The following SLC2A9 variants were observed in gnomAD, a reference collection of about 807,000 sequenced individuals.
The protein encoded by SLC2A9 is solute carrier family 2, facilitated glucose transporter member 9.
SLC2A9 carries 39 observed loss-of-function variants against 50.6 expected under a neutral mutation model. That is an observed-to-expected ratio of 0.77 (90% confidence interval 0.60 to 1.01). The LOEUF is 1.01. Ranked by LOEUF, SLC2A9 falls within the 50% of genes least tolerant of loss-of-function variation. SLC2A9 has a pLI of 0.00. For missense variants in SLC2A9, 686 were observed against 677.6 expected (o/e 1.01, Z -0.14); for synonymous variants, 324 against 276.9 (o/e 1.17, Z -1.69).
At chr4:10,023,179 C>G (rs549884565), upstream of SLC2A9, among the ~76,000 whole-genome samples, 1 of 152,152 alleles carries the variant, frequency 6.6e-6, no homozygotes, top group Non-Finnish European at 1.5e-5. Flanking sequence ...GAGAAGGATA[C>G]GGGGTGAGAG....
intron 7 of SLC2A9, among the ~76,000 whole-genome samples, chr4:9,913,378 A>T (rs1411910173): frequency 6.6e-6 from 1 of 151,282 alleles, no homozygotes; most frequent in Non-Finnish European, 1.5e-5. Flanking sequence ...AGAAACAGAT[A>T]GAGAGAGATA....
chr4:9,910,248 C>G (rs4336225), intron 7 of SLC2A9, among the ~76,000 whole-genome samples: 6 of 152,178 alleles, frequency 3.9e-5, no homozygotes, highest in Non-Finnish European at 8.8e-5. Context: ...TAGACTCCAT[C>G]GTTAGCCTGA....
At chr4:9,801,416 G>C (rs561545514) in intron 3 of SLC2A9, among the ~76,000 whole-genome samples, 1 of 152,336 alleles carries the variant, frequency 6.6e-6, no homozygotes, top group African/African-American at 2.4e-5. Flanking sequence ...ACCTCACAGA[G>C]GAAAAGCCAC....
chr4:9,932,408 G>A (rs969026744), intron 6 of SLC2A9, among the ~76,000 whole-genome samples: 12 of 152,080 alleles, frequency 7.9e-5, no homozygotes, highest in African/African-American at 2.9e-4. Flanking sequence ...GTCCCTCCTC[G>A]CATGGAGCTT....
intron 3 of SLC2A9, chr4:9,782,755 C>A: frequency 1.2e-6 from 2 of 1,614,022 alleles, no homozygotes; most frequent in Non-Finnish European, 1.7e-6. Context: ...CCATCATGAT[C>A]GTGACCTACA....
intron 6 of SLC2A9, among the ~76,000 whole-genome samples, chr4:9,933,529 G>A (rs1560332866): frequency 6.6e-6 from 1 of 152,192 alleles, no homozygotes; most frequent in South Asian, 2.1e-4. Context: ...CAATGCACTA[G>A]CTCTGTGACC....
At chr4:9,986,359 T>C (rs890929779) in intron 3 of SLC2A9, among the ~76,000 whole-genome samples, 3 of 152,138 alleles carry the variant, frequency 2.0e-5, no homozygotes, top group African/African-American at 7.2e-5. Context: ...TGGACAAAAG[T>C]TGGAAGCTGG....
At chr4:9,958,076 G>T (rs972381192) in intron 5 of SLC2A9, among the ~76,000 whole-genome samples, 6 of 152,170 alleles carry the variant, frequency 3.9e-5, no homozygotes, top group Non-Finnish European at 8.8e-5. Flanking sequence ...AAAGGCATCA[G>T]ATTTCTCATC....
chr4:10,004,914 C>T (rs1158964948), intron 2 of SLC2A9, among the ~76,000 whole-genome samples: 5 of 152,200 alleles, frequency 3.3e-5, no homozygotes, highest in African/African-American at 4.8e-5. Context: ...GGTAGGTAAC[C>T]TCTAGGCCTG....
At chr4:9,788,755 C>T (rs538627484) in intron 3 of SLC2A9, among the ~76,000 whole-genome samples, 4 of 152,050 alleles carry the variant, frequency 2.6e-5, no homozygotes, top group Non-Finnish European at 5.9e-5. Context: ...TAGTGGGAGC[C>T]CTTTAAGTTG....
At chr4:9,977,246 C>CCTAA (rs1280337709) in intron 5 of SLC2A9, among the ~76,000 whole-genome samples, 1 of 152,156 alleles carries the variant, frequency 6.6e-6, no homozygotes, top group Admixed American at 6.5e-5. Context: ...GAAAGGTGGC[C>CCTAA]CTAAGGCTAG....
intron 3 of SLC2A9, among the ~76,000 whole-genome samples, chr4:9,812,551 C>A (rs1305279435): frequency 6.6e-6 from 1 of 151,364 alleles, no homozygotes; most frequent in East Asian, 1.9e-4. Flanking sequence ...CATACCTGCT[C>A]TCATCACTAA....
chr4:9,858,718 T>A (rs1462441814), intron 10 of SLC2A9, among the ~76,000 whole-genome samples: 1 of 152,192 alleles, frequency 6.6e-6, no homozygotes, highest in Non-Finnish European at 1.5e-5. Context: ...ATGGTTAATA[T>A]TGAGTGTCAA....
At chr4:9,855,794 C>T (rs1004081358) in intron 10 of SLC2A9, among the ~76,000 whole-genome samples, 3 of 151,988 alleles carry the variant, frequency 2.0e-5, no homozygotes, top group African/African-American at 7.3e-5. Context: ...AAAAGAGAGT[C>T]CAGAAAAAAG....
chr4:10,021,382 G>A lies in SLC2A9; in HGVS notation c.48C>T (p.Pro16=). The A allele has an allele frequency of 6.2e-7, 1 of 1,614,224 alleles. No individual in the cohort carries two copies. Among genetic ancestry groups the A allele is most frequent in the Non-Finnish European group, 8.5e-7 (1 of 1,180,040 alleles). The change falls in exon 1 of 12, where the codon CCC becomes CCT. Residue 16 remains proline, a synonymous_variant. Coordinates refer to ENST00000264784, the MANE Select transcript of SLC2A9 (RefSeq NM_020041.3). ...NRNSKELGLV[P]LTDDTSHAGP... ...CGGCGTGGCTGGTGTCATCTGTGAGGGGAACTAGGCCCAGTTCCTTGGAAT... is the reference window on the plus strand; with the variant it reads ...CGGCGTGGCTGGTGTCATCTGTGAGAGGAACTAGGCCCAGTTCCTTGGAAT...
intron 5 of SLC2A9, among the ~76,000 whole-genome samples, chr4:9,979,992 C>G (rs374353768): frequency 6.7e-6 from 1 of 149,628 alleles, no homozygotes; most frequent in Admixed American, 6.6e-5. Context: ...TTCTAAAAAG[C>G]CTTCCTTGAG....
rs201026840 is a variant in SLC2A9 at position 9,997,153 on chromosome 4, TC to T, written c.250-213del. Among the ~76,000 whole-genome samples, 1,471 of 152,326 alleles carry T rather than the reference TC, an allele frequency of 9.7e-3. 21 individuals are homozygous for T. The highest frequency in any genetic ancestry group is 0.033 in the African/African-American group (1,369 of 41,560). Reference sequence around the variant, plus strand: ...ATTATATTCAAATGAGCATTTTTTTTCTTTTATGGCTAGTTTTTTTGTGTTT... The same window carrying T: ...ATTATATTCAAATGAGCATTTTTTTTTTTTATGGCTAGTTTTTTTGTGTTT... On this transcript the variant is annotated intron_variant, in intron 2 of 11. Coordinates refer to ENST00000264784, the MANE Select transcript of SLC2A9 (RefSeq NM_020041.3).
At chr4:9,991,207 C>T (rs780756270) in intron 3 of SLC2A9, among the ~76,000 whole-genome samples, 4 of 152,202 alleles carry the variant, frequency 2.6e-5, no homozygotes, top group Non-Finnish European at 5.9e-5. Context: ...CTGCTTTCCC[C>T]ACCTTAAAGA....
intron 10 of SLC2A9, among the ~76,000 whole-genome samples, chr4:9,856,443 A>T (rs537709023): frequency 6.6e-6 from 1 of 152,336 alleles, no homozygotes; most frequent in Admixed American, 6.5e-5. Flanking sequence ...CAGAATGGCT[A>T]TTCTTAAAAA....
Sources: allele counts gnomAD v4.1 joint callset (sites outside exome capture counted in the v4.1 genomes callset), GRCh38; gene constraint gnomAD v4.1.1; transcripts MANE v1.5; gene names NCBI Gene and HGNC (gene_info 2026-07-23, HGNC 2026-07-21).